The following CNKSR2 variants were observed in gnomAD, a reference collection of about 807,000 sequenced individuals.
The protein encoded by CNKSR2 is connector enhancer of kinase suppressor of Ras 2, also known as CNK homolog protein 2.
Under a neutral mutation model 84.4 loss-of-function variants are expected in CNKSR2, and 14 were observed. The ratio of observed to expected loss-of-function variants is 0.17; its 90% confidence interval spans 0.11 to 0.26. CNKSR2 has a LOEUF of 0.26. Ranked by LOEUF, CNKSR2 falls within the 10% of genes least tolerant of loss-of-function variation. The pLI is 1.00. For synonymous variants in CNKSR2, 275 were observed against 277.9 expected (o/e 0.99, Z 0.10); for missense variants, 485 against 771.2 (o/e 0.63, Z 4.40).
chrX:21,515,556 T>A (rs772806025), intron 8 of CNKSR2, among the ~76,000 whole-genome samples: 25 of 111,494 alleles, frequency 2.2e-4, no homozygotes, highest in Middle Eastern at 4.7e-3. Context: ...TGAATTTTTT[T>A]TAAAAAAAAC....
intron 3 of CNKSR2, 85 bp downstream of exon 3, chrX:21,432,899 G>C: frequency 2.1e-6 from 2 of 961,853 alleles, no homozygotes; most frequent in Non-Finnish European, 2.9e-6. Flanking sequence ...GTTGTGAAAG[G>C]ATTGGACAGG....
At chrX:21,492,155 A>G (rs1279267157) in intron 6 of CNKSR2, 1 of 111,236 alleles carries the variant, frequency 9.0e-6, no homozygotes, top group Non-Finnish European at 1.9e-5. Context: ...TCTAATTTCC[A>G]CTGAAATCAT....
Position 21,653,289 on chromosome X carries a change from G to A in CNKSR2, c.*768G>A, listed in dbSNP as rs1278823125. On this transcript the variant is annotated 3_prime_UTR_variant, in exon 22 of 22. Transcript: ENST00000379510. ...TTTGTAGTGATGAGATGCTGATTGT[G>A]TACAGAAGAATTTGAGAGGGGATTT... The A allele has an allele frequency of 9.0e-6, 1 of 110,686 alleles. No individual in the cohort carries two copies. Among genetic ancestry groups the A allele is most frequent in the Non-Finnish European group, 1.9e-5 (1 of 52,904 alleles). The allele number at this position is 110,686 out of a possible 1,213,427, so 9.1% of individuals were successfully genotyped here.
At chrX:21,589,419 G>T (rs984288262) in intron 13 of CNKSR2, among the ~76,000 whole-genome samples, 2 of 111,922 alleles carry the variant, frequency 1.8e-5, no homozygotes, top group Non-Finnish European at 3.8e-5. Context: ...GCAAAATCCA[G>T]TTGCCCCTTA....
At chrX:21,586,413 G>A (rs770703876) in intron 13 of CNKSR2, among the ~76,000 whole-genome samples, 1 of 111,411 alleles carries the variant, frequency 9.0e-6, no homozygotes, top group Non-Finnish European at 1.9e-5. Flanking sequence ...TTCATGGATG[G>A]AACTGCAACC....
intron 1 of CNKSR2, among the ~76,000 whole-genome samples, chrX:21,395,866 G>A (rs1328303289): frequency 9.0e-6 from 1 of 111,088 alleles, no homozygotes; most frequent in African/African-American, 3.3e-5. Flanking sequence ...AACTGTATGT[G>A]CTTTACACAA....
At chrX:21,552,944 C>T (rs1486209727) in intron 11 of CNKSR2, among the ~76,000 whole-genome samples, 1 of 111,788 alleles carries the variant, frequency 8.9e-6, no homozygotes, top group East Asian at 2.8e-4. Context: ...ATAATTAAAA[C>T]AGTATACAGC....
intron 13 of CNKSR2, among the ~76,000 whole-genome samples, chrX:21,563,993 G>A (rs1246463617): frequency 9.0e-6 from 1 of 110,709 alleles, no homozygotes; most frequent in Admixed American, 9.7e-5. Flanking sequence ...TAGTCTTTAG[G>A]GGAAGTGAGA....
intron 1 of CNKSR2, among the ~76,000 whole-genome samples, chrX:21,391,162 G>T (rs1270154906): frequency 1.8e-5 from 2 of 112,407 alleles, no homozygotes; most frequent in Non-Finnish European, 3.8e-5. Flanking sequence ...TCTTTTCCAG[G>T]TACATGGTGC....
intron 8 of CNKSR2, among the ~76,000 whole-genome samples, chrX:21,512,788 G>T (rs1207016896): frequency 9.0e-6 from 1 of 111,036 alleles, no homozygotes; most frequent in Non-Finnish European, 1.9e-5. Flanking sequence ...TCTGGTGAAT[G>T]AAAGTAAAGA....
intron 1 of CNKSR2, among the ~76,000 whole-genome samples, chrX:21,414,049 C>G (rs1329052346): frequency 9.0e-6 from 1 of 111,507 alleles, no homozygotes; most frequent in East Asian, 2.8e-4. Context: ...AGATATCTTA[C>G]TGATATCCTG....
intron 20 of CNKSR2, among the ~76,000 whole-genome samples, 180 bp downstream of exon 20, chrX:21,609,797 T>C (rs1489810544): frequency 1.8e-5 from 2 of 111,751 alleles, no homozygotes; most frequent in Non-Finnish European, 3.8e-5. Flanking sequence ...TGGGAAAACA[T>C]GATGAGTAAT....
At chrX:21,521,662 G>A (rs950000741) in intron 9 of CNKSR2, among the ~76,000 whole-genome samples, 1 of 110,530 alleles carries the variant, frequency 9.0e-6, no homozygotes, top group Non-Finnish European at 1.9e-5. Context: ...CCATTTTATA[G>A]TGTGACTCTT....
chrX:21,406,613 A>C (rs1443643554), intron 1 of CNKSR2, among the ~76,000 whole-genome samples: 1 of 111,477 alleles, frequency 9.0e-6, no homozygotes, highest in Non-Finnish European at 1.9e-5. Context: ...TCATAAAGTA[A>C]GCTTCTGAGA....
rs181617604 is a variant in CNKSR2 at position 21,643,532 on chromosome X, A to T, written c.2693-5299A>T. 23 of 111,906 alleles carry T rather than the reference A, an allele frequency of 2.1e-4. No homozygotes were observed. The East Asian group carries it at 5.0e-3, about 25-fold the overall frequency. The allele number at this position is 111,906 out of a possible 1,213,427, so 9.2% of individuals were successfully genotyped here. On this transcript the variant is annotated intron_variant, in intron 20 of 21. Coordinates refer to ENST00000379510, the MANE Select transcript of CNKSR2 (RefSeq NM_014927.5). Reference sequence around the variant, plus strand: ...CAAGTACTTGATTTCAGTGAAGCACATTATCATTATTACAAGGATGGGCTT... The same window carrying T: ...CAAGTACTTGATTTCAGTGAAGCACTTTATCATTATTACAAGGATGGGCTT...
At chrX:21,605,300 C>T (rs752289036) in intron 18 of CNKSR2, among the ~76,000 whole-genome samples, 25 of 112,121 alleles carry the variant, frequency 2.2e-4, no homozygotes, top group Admixed American at 2.1e-3. Flanking sequence ...CTGGCTGTCA[C>T]TGGCATGAAC....
At chrX:21,638,723 C>T (rs2092682062) in intron 20 of CNKSR2, among the ~76,000 whole-genome samples, 1 of 112,100 alleles carries the variant, frequency 8.9e-6, no homozygotes, top group South Asian at 3.7e-4. Flanking sequence ...ATGTAATTGG[C>T]TAAAAGCTTG....
intron 21 of CNKSR2, among the ~76,000 whole-genome samples, chrX:21,651,053 C>T (rs1196589649): frequency 2.7e-5 from 3 of 111,345 alleles, no homozygotes; most frequent in Non-Finnish European, 5.7e-5. Flanking sequence ...CTGTTTCTCT[C>T]CTTCTATCTC....
intron 11 of CNKSR2, among the ~76,000 whole-genome samples, chrX:21,535,982 A>G (rs1415149948): frequency 9.0e-6 from 1 of 111,528 alleles, no homozygotes; most frequent in Non-Finnish European, 1.9e-5. Context: ...TTCTCCATTC[A>G]ATATAATGTT....
Sources: allele counts gnomAD v4.1 joint callset (sites outside exome capture counted in the v4.1 genomes callset), GRCh38; gene constraint gnomAD v4.1.1; transcripts MANE v1.5; gene names NCBI Gene and HGNC (gene_info 2026-07-23, HGNC 2026-07-21).